SND1: variants seen among roughly 807,000 people sequenced by gnomAD.
SND1 encodes the protein staphylococcal nuclease and tudor domain containing 1.
A neutral mutation model predicts 121.7 loss-of-function variants in SND1; 38 were observed. The ratio of observed to expected loss-of-function variants is 0.31; its 90% CI spans 0.24 to 0.41. SND1 has a LOEUF of 0.41. SND1 is among the 10% of genes least tolerant of loss of function. SND1 has a pLI of 1.00. For synonymous variants in SND1, 401 were observed against 447.4 expected, an observed-to-expected ratio of 0.90 and a Z score of 1.31; for missense variants, 868 against 1,184.6, an observed-to-expected ratio of 0.73 and a Z score of 3.92.
At chr7:127,936,237 TC>T (rs1268856140) in intron 15 of SND1, among the ~76,000 whole-genome samples, 1 of 151,888 alleles carries the variant, frequency 6.6e-6, no homozygotes, top group African/African-American at 2.4e-5. Flanking sequence ...TGCTGTGGCC[TC>T]CTCCTAAGCG....
At chr7:128,051,900 A>G (rs890249794) in intron 16 of SND1, among the ~76,000 whole-genome samples, 8 of 152,230 alleles carry the variant, frequency 5.3e-5, no homozygotes, top group Non-Finnish European at 1.0e-4. Context: ...GAACTTTCTA[A>G]AAGTCATCCA....
intron 10 of SND1, among the ~76,000 whole-genome samples, chr7:127,744,224 T>C (rs1238491257): frequency 6.6e-6 from 1 of 152,174 alleles, no homozygotes; most frequent in Non-Finnish European, 1.5e-5. Flanking sequence ...TAAATATATT[T>C]AGGCTCCTGG....
chr7:127,806,277 C>T (rs570439851), intron 10 of SND1, among the ~76,000 whole-genome samples: 1 of 152,222 alleles, frequency 6.6e-6, no homozygotes, highest in South Asian at 2.1e-4. Context: ...TGTCAGTTCC[C>T]GTTAATTCAT....
chr7:127,941,051 C>T (rs1416062636), intron 15 of SND1, among the ~76,000 whole-genome samples: 1 of 152,238 alleles, frequency 6.6e-6, no homozygotes, highest in African/African-American at 2.4e-5. Flanking sequence ...CTGCCAAGCA[C>T]TGGCCTATGA....
chr7:127,877,886 T>C (rs1013086551), intron 12 of SND1, among the ~76,000 whole-genome samples: 6 of 152,096 alleles, frequency 3.9e-5, no homozygotes, highest in Non-Finnish European at 7.4e-5. Flanking sequence ...TAATGAAGTT[T>C]CAATGGGTAT....
chr7:127,794,185 A>G (rs771251830), intron 10 of SND1, among the ~76,000 whole-genome samples: 5 of 152,218 alleles, frequency 3.3e-5, no homozygotes, highest in Non-Finnish European at 7.3e-5. Flanking sequence ...TTTACTGAAT[A>G]TTTATGCACA....
intron 16 of SND1, chr7:128,030,569 G>A (rs149168466): frequency 3.8e-5 from 61 of 1,609,864 alleles, no homozygotes; most frequent in Non-Finnish European, 4.8e-5. Context: ...CTTGCGCCGT[G>A]AGGTAGACGA....
At chr7:127,825,963 G>A (rs888219505) in intron 11 of SND1, among the ~76,000 whole-genome samples, 11 of 152,032 alleles carry the variant, frequency 7.2e-5, no homozygotes, top group Admixed American at 4.6e-4. Flanking sequence ...AAGCCGAGGC[G>A]GTGGATCACC....
intron 1 of SND1, among the ~76,000 whole-genome samples, chr7:127,673,526 GATCTCC>G (rs1168971892): frequency 6.6e-6 from 1 of 152,160 alleles, no homozygotes; most frequent in East Asian, 1.9e-4. Context: ...TGGCCAGGCT[GATCTCC>G]AGCTCCTGAC....
intron 4 of SND1, among the ~76,000 whole-genome samples, chr7:127,700,072 A>G (rs1394454437): frequency 6.6e-6 from 1 of 152,242 alleles, no homozygotes; most frequent in African/African-American, 2.4e-5. Context: ...TTGTATCTTA[A>G]GGACAATTAC....
intron 10 of SND1, among the ~76,000 whole-genome samples, chr7:127,784,488 T>A (rs1322538233): frequency 6.6e-6 from 1 of 152,242 alleles, no homozygotes; most frequent in Non-Finnish European, 1.5e-5. Flanking sequence ...CCTCTCCTAC[T>A]TCTGAAATCA....
intron 1 of SND1, 69 bp downstream of exon 1, chr7:127,652,520 T>A: frequency 7.7e-7 from 1 of 1,299,216 alleles, no homozygotes; most frequent in Non-Finnish European, 1.1e-6. Flanking sequence ...TGACTCCACC[T>A]TCCGCCAGCC....
At chr7:127,664,861 G>GA (rs35536102) in intron 1 of SND1, among the ~76,000 whole-genome samples, 1 of 152,064 alleles carries the variant, frequency 6.6e-6, no homozygotes, top group African/African-American at 2.4e-5. Context: ...GCTTGGTGTG[G>GA]AAAAAAACCC....
intron 15 of SND1, among the ~76,000 whole-genome samples, chr7:127,938,892 T>A (rs1801122714): frequency 6.6e-6 from 1 of 152,032 alleles, no homozygotes; most frequent in Non-Finnish European, 1.5e-5. Context: ...ATTTAATAAT[T>A]TTTTTTTATA....
intron 10 of SND1, among the ~76,000 whole-genome samples, chr7:127,764,689 C>T (rs893509216): frequency 2.0e-5 from 3 of 152,146 alleles, no homozygotes; most frequent in African/African-American, 7.2e-5. Flanking sequence ...ATTTCTGTGT[C>T]AAAGTAAAGG....
intron 10 of SND1, among the ~76,000 whole-genome samples, chr7:127,737,848 T>C (rs1169045298): frequency 3.3e-5 from 5 of 152,186 alleles, no homozygotes. Context: ...ACTCAACCTG[T>C]ATAACCTAGA....
At chr7:128,026,081 TC>T (rs1447666384) in intron 16 of SND1, among the ~76,000 whole-genome samples, 1 of 152,088 alleles carries the variant, frequency 6.6e-6, no homozygotes, top group Non-Finnish European at 1.5e-5. Flanking sequence ...AACAGCAACT[TC>T]CTCCGCAATT....
At chr7:127,810,569 C>G (rs777595350) in intron 11 of SND1, among the ~76,000 whole-genome samples, 48 of 152,306 alleles carry the variant, frequency 3.2e-4, no homozygotes, top group Non-Finnish European at 5.9e-4. Flanking sequence ...GAATGATTTT[C>G]TCGCTGTGTG....
chr7:128,086,708 G>A (rs1793693237), intron 20 of SND1: 7 of 592,158 alleles, frequency 1.2e-5, no homozygotes, highest in Non-Finnish European at 2.1e-5. Flanking sequence ...AGGTGTGCCA[G>A]CACCAGGCCC....
Sources: gnomAD v4.1 joint callset for allele counts (sites outside exome capture counted in the v4.1 genomes callset) on GRCh38, gnomAD v4.1.1 for gene constraint, MANE v1.5 for transcripts, NCBI Gene and HGNC (gene_info 2026-07-23, HGNC 2026-07-21) for gene names.